DCBLD1: variants seen among roughly 807,000 people sequenced by gnomAD.
DCBLD1 encodes discoidin, CUB and LCCL domain-containing protein 1.
In DCBLD1, 57 loss-of-function variants were observed where a neutral mutation model predicts 71.5. The observed-to-expected ratio is 0.80, with a 90% CI of 0.64 to 0.99. DCBLD1 has a LOEUF of 0.99. Ranked by LOEUF, DCBLD1 falls within the 50% of genes least tolerant of loss-of-function variation. The probability of loss-of-function intolerance (pLI) is 0.00; values close to 1 mark genes in which losing one functional copy is unlikely to be tolerated. For missense variants in DCBLD1, 891 were observed against 923.5 expected (o/e 0.96, Z 0.46); for synonymous variants, 380 against 363.8 (o/e 1.04, Z -0.51).
chr6:117,508,686 G>T (rs1240908089), intron 2 of DCBLD1, among the ~76,000 whole-genome samples: 1 of 152,136 alleles, frequency 6.6e-6, no homozygotes, highest in East Asian at 1.9e-4. Flanking sequence ...GACCTCAGAG[G>T]AGGTCATTTC....
At chr6:117,506,362 A>G (rs1430179281) in intron 2 of DCBLD1, among the ~76,000 whole-genome samples, 1 of 152,210 alleles carries the variant, frequency 6.6e-6, no homozygotes, top group East Asian at 1.9e-4. Context: ...TCACCAAAAA[A>G]ACCACATTGC....
At chr6:117,485,327 T>A (rs537946760) in intron 1 of DCBLD1, among the ~76,000 whole-genome samples, 63 of 152,342 alleles carry the variant, frequency 4.1e-4, no homozygotes, top group African/African-American at 1.4e-3. Flanking sequence ...GCTTGATCTC[T>A]GAGGAAACTT....
intron 6 of DCBLD1, among the ~76,000 whole-genome samples, chr6:117,535,058 A>G (rs1254467071): frequency 2.6e-5 from 4 of 152,290 alleles, no homozygotes; most frequent in Admixed American, 2.0e-4. Flanking sequence ...AGTTGTTTTC[A>G]TCTGTGTTGT....
intron 1 of DCBLD1, among the ~76,000 whole-genome samples, chr6:117,499,342 G>A (rs1777575320): frequency 6.6e-6 from 1 of 151,780 alleles, no homozygotes; most frequent in Admixed American, 6.6e-5. Flanking sequence ...CAGAGGTCGA[G>A]GGTGCAGTGA....
At chr6:117,554,773 G>A (rs1194105203), downstream of DCBLD1, among the ~76,000 whole-genome samples, 3 of 151,798 alleles carry the variant, frequency 2.0e-5, no homozygotes, top group Admixed American at 6.6e-5. Context: ...TGTGCCTGTA[G>A]TCCCAGCTAC....
Position 117,503,794 on chromosome 6 carries a change from A to G in DCBLD1, c.140A>G (p.Tyr47Cys). 1 of 1,614,008 alleles carries G rather than the reference A, an allele frequency of 6.2e-7. No homozygotes were observed. The highest frequency in any genetic ancestry group is 8.5e-7 in the Non-Finnish European group (1 of 1,179,976). ...GATGGCTGTGGACACCTAGTGACTT[A>G]TCAGGATAGTGGCACAATGACATCT... ...LGDGCGHLVTYQDSGTMTSKN... is the reference protein window; with the variant it reads ...LGDGCGHLVTCQDSGTMTSKN... The change falls in exon 2 of 15, where the codon TAT (tyrosine) becomes TGT (cysteine). Residue 47 changes from tyrosine (Y) to cysteine (C), a missense_variant. Transcript: ENST00000338728.
chr6:117,483,279 A>G (rs1426044993), intron 1 of DCBLD1, among the ~76,000 whole-genome samples: 1 of 152,186 alleles, frequency 6.6e-6, no homozygotes, highest in African/African-American at 2.4e-5. Context: ...AGCCGTGTGC[A>G]GGGCCAGTTC....
intron 6 of DCBLD1, among the ~76,000 whole-genome samples, chr6:117,534,152 C>T (rs527933028): frequency 6.6e-6 from 1 of 152,246 alleles, no homozygotes; most frequent in East Asian, 1.9e-4. Context: ...CATTCAAAGA[C>T]AAATTAGTCT....
At chr6:117,567,536 T>G (rs1779723067) in intron 14 of DCBLD1, among the ~76,000 whole-genome samples, 1 of 152,084 alleles carries the variant, frequency 6.6e-6, no homozygotes. Flanking sequence ...TTCAAGAAAC[T>G]CCTACAAAAT....
chr6:117,540,899 G>C lies in DCBLD1; in HGVS notation c.1250-19G>C. The C allele has an allele frequency of 6.2e-7, 1 of 1,613,806 alleles. No individual in the cohort carries two copies. Among genetic ancestry groups the C allele is most frequent in the Non-Finnish European group, 8.5e-7 (1 of 1,180,006 alleles). On this transcript the variant is annotated intron_variant, in intron 10 of 14. Coordinates refer to ENST00000338728, the MANE Select transcript of DCBLD1 (RefSeq NM_001366458.2). ...TCATTGTTACTCATGTGGTTTTCCC[G>C]ACATCCCTCCTCTCTCAGGTAATGA...
At chr6:117,528,915 A>C (rs1778626887) in intron 5 of DCBLD1, among the ~76,000 whole-genome samples, 1 of 152,156 alleles carries the variant, frequency 6.6e-6, no homozygotes, top group Non-Finnish European at 1.5e-5. Context: ...ATCTTGGCTC[A>C]CTGCAAGCTC....
At chr6:117,542,975 T>C (rs1779149250) in intron 11 of DCBLD1, 149 bp from the exon 12 acceptor site, 1 of 657,104 alleles carries the variant, frequency 1.5e-6, no homozygotes, top group Non-Finnish European at 2.6e-6. Context: ...TTCTTTTTGC[T>C]TTCCAATATC....
At chr6:117,491,698 G>T (rs1177556160) in intron 1 of DCBLD1, among the ~76,000 whole-genome samples, 1 of 152,074 alleles carries the variant, frequency 6.6e-6, no homozygotes. Context: ...TCCAAACAAG[G>T]TCTACATATT....
chr6:117,547,074 T>A (rs1490536716), intron 14 of DCBLD1, among the ~76,000 whole-genome samples: 2 of 152,224 alleles, frequency 1.3e-5, no homozygotes. Flanking sequence ...GACTTCTATG[T>A]GCATTTCTCT....
intron 11 of DCBLD1, among the ~76,000 whole-genome samples, chr6:117,541,228 T>C (rs1779085369): frequency 6.6e-6 from 1 of 152,178 alleles, no homozygotes; most frequent in African/African-American, 2.4e-5. Context: ...GGAATGAACT[T>C]ATGTGCCCTT....
intron 11 of DCBLD1, among the ~76,000 whole-genome samples, chr6:117,542,917 G>A (rs967231778): frequency 1.3e-5 from 2 of 152,120 alleles, no homozygotes; most frequent in South Asian, 4.1e-4. Flanking sequence ...CTGGGGGGCT[G>A]GGGGAGAAAT....
chr6:117,553,965 T>C (rs1369947900), downstream of DCBLD1, among the ~76,000 whole-genome samples: 2 of 152,210 alleles, frequency 1.3e-5, no homozygotes, highest in East Asian at 3.8e-4. Context: ...GAGATAATAA[T>C]GGTATATACC....
chr6:117,548,417 C>T lies in DCBLD1; in HGVS notation c.2126C>T (p.Thr709Met), dbSNP rs1390435303. The T allele has an allele frequency of 1.9e-6, 3 of 1,550,582 alleles. No homozygotes were observed. The highest frequency in any genetic ancestry group is 2.6e-6 in the Non-Finnish European group (3 of 1,147,024). ...PRDCLTPLNQTAMTALL is the reference protein window; with the variant it reads ...PRDCLTPLNQMAMTALL ...GACTGCCTCACACCCCTCAACCAGA[C>T]GGCCATGACTGCCCTTTTGTGAACA... Residue 709 changes from threonine (T) to methionine (M), a missense_variant, in exon 15 of 15, where the codon ACG becomes ATG. By Grantham distance (81) the Thr-to-Met change is moderately conservative (BLOSUM62 -1). Coordinates refer to ENST00000338728, the MANE Select transcript of DCBLD1 (RefSeq NM_001366458.2).
intron 1 of DCBLD1, among the ~76,000 whole-genome samples, chr6:117,503,246 T>A (rs1263038472): frequency 1.3e-5 from 2 of 152,220 alleles, no homozygotes; most frequent in African/African-American, 4.8e-5. Flanking sequence ...AAGACATACA[T>A]TTCAAATGAT....
Sources: allele counts gnomAD v4.1 joint callset (sites outside exome capture counted in the v4.1 genomes callset), GRCh38; gene constraint gnomAD v4.1.1; transcripts MANE v1.5; gene names NCBI Gene and HGNC (gene_info 2026-07-23, HGNC 2026-07-21).